The following TBC1D22A variants were observed in gnomAD, a reference collection of about 807,000 sequenced individuals.
The protein encoded by TBC1D22A is TBC1 domain family member 22A, also known as putative GTPase activator.
TBC1D22A carries 38 observed loss-of-function variants against 60.2 expected under a neutral mutation model. The ratio of observed to expected loss-of-function variants is 0.63; its 90% CI spans 0.49 to 0.83. TBC1D22A has a LOEUF of 0.83. TBC1D22A is among the 40% of genes least tolerant of loss of function. The probability of loss-of-function intolerance (pLI) is 0.00; values close to 1 mark genes in which losing one functional copy is unlikely to be tolerated. For missense variants in TBC1D22A, 628 were observed against 701.0 expected (o/e 0.90, Z 1.18); for synonymous variants, 302 against 281.7 (o/e 1.07, Z -0.72).
intron 1 of TBC1D22A, among the ~76,000 whole-genome samples, chr22:46,776,264 G>C (rs982075864): frequency 1.3e-5 from 2 of 152,224 alleles, no homozygotes; most frequent in African/African-American, 4.8e-5. Flanking sequence ...GAGTGAGGAG[G>C]AGTACAGGGT....
intron 4 of TBC1D22A, among the ~76,000 whole-genome samples, chr22:46,850,077 A>G (rs927229998): frequency 4.6e-5 from 7 of 152,230 alleles, no homozygotes; most frequent in Non-Finnish European, 1.5e-5. Context: ...GCATCTGTGC[A>G]GCAGCTCGAC....
At chr22:46,812,985 C>T (rs577026193) in intron 4 of TBC1D22A, among the ~76,000 whole-genome samples, 6 of 152,216 alleles carry the variant, frequency 3.9e-5, no homozygotes, top group East Asian at 1.9e-4. Context: ...CGGAGCTGTC[C>T]GTGAGGTGAT....
chr22:47,072,552 C>T (rs2064041144), intron 11 of TBC1D22A, among the ~76,000 whole-genome samples: 1 of 152,206 alleles, frequency 6.6e-6, no homozygotes, highest in Non-Finnish European at 1.5e-5. Flanking sequence ...ATGCACTTGG[C>T]CACACCCCTG....
At chr22:47,114,553 G>T (rs763226234) in intron 12 of TBC1D22A, among the ~76,000 whole-genome samples, 1 of 152,094 alleles carries the variant, frequency 6.6e-6, no homozygotes, top group Non-Finnish European at 1.5e-5. Context: ...AGGAGTCCTG[G>T]TGAGCACGGG....
At chr22:47,099,739 C>G (rs1432861739) in intron 11 of TBC1D22A, among the ~76,000 whole-genome samples, 3 of 151,392 alleles carry the variant, frequency 2.0e-5, no homozygotes, top group Admixed American at 2.0e-4. Flanking sequence ...GCTACCGCAC[C>G]TGGCCTCGTC....
At chr22:47,073,873 A>G (rs1451716183) in intron 11 of TBC1D22A, among the ~76,000 whole-genome samples, 1 of 152,196 alleles carries the variant, frequency 6.6e-6, no homozygotes, top group Non-Finnish European at 1.5e-5. Flanking sequence ...CACACCTGTA[A>G]TCTCAGCACT....
chr22:46,908,442 C>T (rs1022782770), intron 7 of TBC1D22A, among the ~76,000 whole-genome samples: 3 of 152,158 alleles, frequency 2.0e-5, no homozygotes, highest in Non-Finnish European at 4.4e-5. Flanking sequence ...ACCGTTGCAG[C>T]CTGCTTGCCA....
At chr22:46,957,739 G>A (rs980440168) in intron 8 of TBC1D22A, among the ~76,000 whole-genome samples, 6 of 152,246 alleles carry the variant, frequency 3.9e-5, no homozygotes, top group Non-Finnish European at 7.3e-5. Flanking sequence ...ACGCCATGCT[G>A]GGCAGGCGAG....
At chr22:46,797,744 G>T (rs761939325) in intron 4 of TBC1D22A, 124 bp downstream of exon 4, 72 of 1,003,674 alleles carry the variant, frequency 7.2e-5, no homozygotes, top group Non-Finnish European at 9.5e-5. Context: ...AATTTGCCTT[G>T]CAGGAAGGTG....
rs538467446 is a variant in TBC1D22A at position 47,060,419 on chromosome 22, T to TTTG, written c.1329+23236_1329+23238dup. On this transcript the variant is annotated intron_variant, in intron 11 of 12. Transcript: ENST00000337137. ...ACCATGCCCAGCTAATTCGTTGTTT[T>TTTG]TTGTTGTTGTTGTTGTTTTGGTTTT... Among the ~76,000 whole-genome samples, 464 of 151,700 alleles carry TTTG rather than the reference T, an allele frequency of 3.1e-3. 4 individuals are homozygous for TTTG. Among genetic ancestry groups the TTTG allele is most frequent in the African/African-American group, 9.8e-3 (406 of 41,322 alleles).
intron 10 of TBC1D22A, among the ~76,000 whole-genome samples, chr22:47,017,564 C>T (rs1258797767): frequency 6.6e-6 from 1 of 152,122 alleles, no homozygotes; most frequent in Admixed American, 6.5e-5. Flanking sequence ...TCCCTCGGAT[C>T]CTGTGTGCCA....
chr22:46,775,147 C>T (rs76156925), intron 1 of TBC1D22A, among the ~76,000 whole-genome samples: 2,099 of 152,310 alleles, frequency 0.014, 48 homozygotes, highest in African/African-American at 0.048. Context: ...GCAGAGGACC[C>T]GGTCTTGGAA....
At chr22:46,803,046 A>G (rs2146969760) in intron 4 of TBC1D22A, among the ~76,000 whole-genome samples, 1 of 152,224 alleles carries the variant, frequency 6.6e-6, no homozygotes, top group African/African-American at 2.4e-5. Context: ...TCCTCATGAA[A>G]CAGAGAGCCA....
intron 9 of TBC1D22A, among the ~76,000 whole-genome samples, chr22:46,977,673 C>T (rs1456831352): frequency 2.0e-5 from 3 of 152,302 alleles, no homozygotes; most frequent in African/African-American, 7.2e-5. Context: ...CACAGTTCCA[C>T]AAGCTGTACA....
chr22:46,959,125 T>G (rs2073361475), intron 8 of TBC1D22A, among the ~76,000 whole-genome samples: 1 of 152,228 alleles, frequency 6.6e-6, no homozygotes, highest in South Asian at 2.1e-4. Flanking sequence ...TTCGCTTTCC[T>G]GGATGAGGAA....
chr22:46,955,146 G>A (rs545653953), intron 8 of TBC1D22A, among the ~76,000 whole-genome samples: 21 of 152,254 alleles, frequency 1.4e-4, no homozygotes, highest in African/African-American at 3.4e-4. Context: ...AATGTTCAGC[G>A]TAGTGTTACG....
intron 10 of TBC1D22A, among the ~76,000 whole-genome samples, chr22:47,015,045 G>A (rs976442503): frequency 5.3e-5 from 8 of 152,250 alleles, no homozygotes; most frequent in African/African-American, 1.4e-4. Context: ...TTCACCTCTT[G>A]TAACTCGTGT....
chr22:46,848,480 C>T lies in TBC1D22A; in HGVS notation c.638-30173C>T, dbSNP rs539040925. Among the ~76,000 whole-genome samples the T allele has an allele frequency of 5.3e-5, 8 of 152,330 alleles. No homozygotes were observed. The South Asian group carries it at 1.4e-3, about 28-fold the overall frequency. On this transcript the variant is annotated intron_variant, in intron 4 of 12. Coordinates refer to ENST00000337137, the MANE Select transcript of TBC1D22A (RefSeq NM_014346.5). ...TGATGCCTCATCGAGGCTCTGATTTCAGAGCAGCCTGTATGGTTCTCTAAG... is the reference window on the plus strand; with the variant it reads ...TGATGCCTCATCGAGGCTCTGATTTTAGAGCAGCCTGTATGGTTCTCTAAG...
At chr22:47,056,434 A>G (rs2063395414) in intron 11 of TBC1D22A, among the ~76,000 whole-genome samples, 1 of 152,090 alleles carries the variant, frequency 6.6e-6, no homozygotes, top group African/African-American at 2.4e-5. Flanking sequence ...CTTCAGAATG[A>G]GCCTGCGCAT....
Sources: gnomAD v4.1 joint callset for allele counts (sites outside exome capture counted in the v4.1 genomes callset) on GRCh38, gnomAD v4.1.1 for gene constraint, MANE v1.5 for transcripts, NCBI Gene and HGNC (gene_info 2026-07-23, HGNC 2026-07-21) for gene names.